The following GRID2 variants were observed in gnomAD, a reference collection of about 807,000 sequenced individuals.
GRID2 encodes the protein glutamate ionotropic receptor delta type subunit 2.
Under a neutral mutation model 114.8 loss-of-function variants are expected in GRID2, and 33 were observed. That is an observed-to-expected ratio of 0.29 (90% confidence interval 0.22 to 0.38). The LOEUF (loss-of-function observed/expected upper bound fraction) is 0.38. GRID2 is among the 10% of genes least tolerant of loss of function. GRID2 has a pLI of 1.00. For missense variants in GRID2, 1,184 were observed against 1,257.7 expected, an observed-to-expected ratio of 0.94 and a Z score of 0.89; for synonymous variants, 505 against 449.9, an observed-to-expected ratio of 1.12 and a Z score of -1.55.
At chr4:93,218,746 C>A (rs1327075577) in intron 6 of GRID2, among the ~76,000 whole-genome samples, 1 of 152,042 alleles carries the variant, frequency 6.6e-6, no homozygotes, top group Non-Finnish European at 1.5e-5. Flanking sequence ...TCTCACACTG[C>A]CATAAAGTAC....
chr4:92,812,201 A>G (rs1320369708), intron 2 of GRID2, among the ~76,000 whole-genome samples: 2 of 152,108 alleles, frequency 1.3e-5, no homozygotes, highest in Non-Finnish European at 2.9e-5. Flanking sequence ...GCATTTTCCC[A>G]AGAAAGGTAA....
intron 13 of GRID2, among the ~76,000 whole-genome samples, chr4:93,532,171 G>T (rs1731515966): frequency 6.6e-6 from 1 of 152,258 alleles, no homozygotes; most frequent in African/African-American, 2.4e-5. Context: ...TATGGAAAAT[G>T]TAAAAGAATG....
chr4:92,415,799 C>A (rs2110312795), intron 1 of GRID2, among the ~76,000 whole-genome samples: 1 of 123,542 alleles, frequency 8.1e-6, no homozygotes, highest in African/African-American at 2.9e-5. Flanking sequence ...TCTTTATTCA[C>A]TCATTGGTTG....
intron 8 of GRID2, among the ~76,000 whole-genome samples, chr4:93,346,609 A>T (rs1760260521): frequency 6.6e-6 from 1 of 152,142 alleles, no homozygotes; most frequent in African/African-American, 2.4e-5. Flanking sequence ...TTCCCACCAA[A>T]GCCTGTTCTA....
At position 93,206,802 on chromosome 4, in the gene GRID2, A is replaced by G. The variant is rs73837728; in HGVS notation, c.736-602A>G. ...AATCTAAAAGCTACTAAAATTTCCT[A>G]CCCATGCTTTAATGCTAGTATGTTG... On this transcript the variant is annotated intron_variant, in intron 4 of 15. Transcript: ENST00000282020. Among the ~76,000 whole-genome samples, 396 of 152,120 alleles carry G rather than the reference A, an allele frequency of 2.6e-3. 2 individuals are homozygous for G. Among genetic ancestry groups the G allele is most frequent in the African/African-American group, 9.2e-3 (382 of 41,518 alleles).
At chr4:92,596,225 C>T (rs200644977) in intron 2 of GRID2, among the ~76,000 whole-genome samples, 1 of 101,050 alleles carries the variant, frequency 9.9e-6, no homozygotes, top group Admixed American at 1.0e-4. Context: ...TGATTCTATT[C>T]ATTCATTCAT....
At chr4:93,351,712 A>T in intron 8 of GRID2, among the ~76,000 whole-genome samples, 1 of 152,088 alleles carries the variant, frequency 6.6e-6, no homozygotes, top group Middle Eastern at 3.4e-3. Flanking sequence ...TAGTTTTTAT[A>T]ATGTTATTAT....
At chr4:92,400,510 G>A (rs1398195822) in intron 1 of GRID2, among the ~76,000 whole-genome samples, 1 of 152,078 alleles carries the variant, frequency 6.6e-6, no homozygotes, top group Non-Finnish European at 1.5e-5. Flanking sequence ...CTCATCAAGT[G>A]TTGGGCATTT....
At chr4:92,542,732 C>G (rs1180166376) in intron 1 of GRID2, among the ~76,000 whole-genome samples, 1 of 151,654 alleles carries the variant, frequency 6.6e-6, no homozygotes, top group East Asian at 1.9e-4. Context: ...CACTAAAGAA[C>G]TTTTCCATGC....
chr4:93,558,486 G>A (rs1165555881), intron 13 of GRID2, among the ~76,000 whole-genome samples: 1 of 152,118 alleles, frequency 6.6e-6, no homozygotes, highest in Non-Finnish European at 1.5e-5. Context: ...AGAAAATCTA[G>A]AATAAATGGA....
chr4:92,628,244 C>G (rs1270384734), intron 2 of GRID2, among the ~76,000 whole-genome samples: 1 of 152,078 alleles, frequency 6.6e-6, no homozygotes, highest in African/African-American at 2.4e-5. Flanking sequence ...CGGAGCAGCT[C>G]CCACTTATTT....
intron 13 of GRID2, among the ~76,000 whole-genome samples, chr4:93,607,668 A>G (rs930941326): frequency 6.6e-6 from 1 of 152,170 alleles, no homozygotes; most frequent in East Asian, 1.9e-4. Context: ...GTGAGAGTAC[A>G]CTTCTCCATA....
In GRID2 at chr4:92,504,424, G is replaced by GA. The variant is rs779690648; in HGVS notation, c.89-85701dup. Among the ~76,000 whole-genome samples, 34 of 152,050 alleles carry GA rather than the reference G, an allele frequency of 2.2e-4. 1 individual carries two copies. The highest frequency in any genetic ancestry group is 2.6e-4 in the Admixed American group (4 of 15,240). On this transcript the variant is annotated intron_variant, in intron 1 of 15. Coordinates refer to ENST00000282020, the MANE Select transcript of GRID2 (RefSeq NM_001510.4). ...TGGTGGTGATAAGGAGACAGCTGTA[G>GA]AAAAAATGATCAAATCTACAGACTC...
chr4:93,629,575 C>G (rs1435481), intron 14 of GRID2, among the ~76,000 whole-genome samples: 19,328 of 152,058 alleles, frequency 0.13, 1,604 homozygotes, highest in East Asian at 0.44. Flanking sequence ...TCAAATTTAA[C>G]CATTTTAGTA....
intron 8 of GRID2, among the ~76,000 whole-genome samples, chr4:93,242,612 A>G (rs1383504592): frequency 6.6e-6 from 1 of 152,056 alleles, no homozygotes; most frequent in Admixed American, 6.6e-5. Flanking sequence ...GAGACAAAGT[A>G]TGGCTCGAGA....
chr4:93,563,000 G>C (rs1444383401), intron 13 of GRID2, among the ~76,000 whole-genome samples: 1 of 151,910 alleles, frequency 6.6e-6, no homozygotes, highest in Admixed American at 6.6e-5. Flanking sequence ...CTTCAAGTCA[G>C]GTAATGTCAG....
chr4:93,198,440 C>G (rs187995560), intron 4 of GRID2, among the ~76,000 whole-genome samples: 5 of 152,016 alleles, frequency 3.3e-5, no homozygotes, highest in Admixed American at 2.6e-4. Flanking sequence ...GAAGAGCAAT[C>G]CAGGAGGCAA....
At chr4:93,250,744 TTA>T (rs1329507863) in intron 8 of GRID2, among the ~76,000 whole-genome samples, 2 of 146,462 alleles carry the variant, frequency 1.4e-5, no homozygotes, top group African/African-American at 5.0e-5. Context: ...ATATATAATG[TTA>T]TATATATATT....
chr4:93,656,829 C>CAAAAAAAAAAAAAA (rs61508444), intron 14 of GRID2, among the ~76,000 whole-genome samples: 3 of 31,912 alleles, frequency 9.4e-5, no homozygotes, highest in African/African-American at 2.2e-4. Context: ...GACTCTGCCT[C>CAAAAAAAAAAAAAA]AAAAAAAAAA....
Sources: allele counts gnomAD v4.1 joint callset (sites outside exome capture counted in the v4.1 genomes callset), GRCh38; gene constraint gnomAD v4.1.1; transcripts MANE v1.5; gene names NCBI Gene and HGNC (gene_info 2026-07-23, HGNC 2026-07-21).